S100A13: variants seen among roughly 807,000 people sequenced by gnomAD.
S100A13 encodes S100 calcium binding protein A13, also known as protein S100-A13.
In S100A13, 6 loss-of-function variants were observed where a neutral mutation model predicts 8.2. The observed-to-expected ratio is 0.73, with a 90% CI of 0.40 to 1.44. S100A13 has a LOEUF of 1.44. Among genes scored for constraint, S100A13 ranks in the 40% most tolerant of loss-of-function variants. S100A13 has a pLI of 0.02. For synonymous variants in S100A13, 39 were observed against 45.9 expected (o/e 0.85, Z 0.61); for missense variants, 114 against 113.6 (o/e 1.00, Z -0.02).
upstream of S100A13, chr1:153,631,413 T>A: frequency 6.8e-7 from 1 of 1,463,954 alleles, no homozygotes; most frequent in Non-Finnish European, 9.3e-7. Flanking sequence ...TGTATTAGAA[T>A]TAAATTAGAC....
intron 2 of S100A13, among the ~76,000 whole-genome samples, chr1:153,624,013 G>A (rs1667445190): frequency 6.6e-6 from 1 of 152,196 alleles, no homozygotes; most frequent in Non-Finnish European, 1.5e-5. Context: ...GAAGGGCAAT[G>A]AGGACCCGAG....
chr1:153,630,672 G>A (rs780008385), upstream of S100A13: 9 of 1,613,620 alleles, frequency 5.6e-6, no homozygotes, highest in East Asian at 4.5e-5. Context: ...TGTGAGCATA[G>A]AGTGGTGGAG....
chr1:153,619,165 C>T, intron 2 of S100A13, 127 bp from the exon 3 acceptor site: 1 of 865,774 alleles, frequency 1.2e-6, no homozygotes, highest in Non-Finnish European at 1.8e-6. Context: ...CCTGCCCCTT[C>T]TCTAAAGAAG....
upstream of S100A13, chr1:153,631,625 A>G (rs1668013362): frequency 6.2e-7 from 1 of 1,613,246 alleles, no homozygotes; most frequent in South Asian, 1.1e-5. Context: ...CTGCTCCTCA[A>G]CCACCCCCTT....
chr1:153,627,774 C>T (rs978831306), upstream of S100A13, among the ~76,000 whole-genome samples: 1 of 152,100 alleles, frequency 6.6e-6, no homozygotes, highest in African/African-American at 2.4e-5. Flanking sequence ...GGGCTGCTGC[C>T]ACCATACCCA....
At chr1:153,628,160 C>A, upstream of S100A13, 3 of 1,550,576 alleles carry the variant, frequency 1.9e-6, no homozygotes, top group Non-Finnish European at 2.6e-6. Flanking sequence ...TACTGCAAGG[C>A]CCAGCTTGGG....
At chr1:153,628,692 G>C (rs1178334093), upstream of S100A13, 2 of 938,810 alleles carry the variant, frequency 2.1e-6, no homozygotes, top group African/African-American at 3.3e-5. Flanking sequence ...CAAATGAACT[G>C]AAGGTCGGAG....
At chr1:153,628,381 G>A (rs1667803661), upstream of S100A13, 2 of 1,547,948 alleles carry the variant, frequency 1.3e-6, no homozygotes, top group African/African-American at 1.4e-5. Flanking sequence ...AGTCGGTGGG[G>A]GGGTCAGCGG....
chr1:153,633,697 T>C (rs779107834), upstream of S100A13, among the ~76,000 whole-genome samples: 4 of 152,116 alleles, frequency 2.6e-5, no homozygotes, highest in South Asian at 2.1e-4. Context: ...CCAGGCCCAA[T>C]TGTCCGGAAG....
In S100A13 at chr1:153,618,849, G is replaced by C. The variant is rs1358630920; in HGVS notation, c.*46C>G. On this transcript the variant is annotated 3_prime_UTR_variant, in exon 3 of 3. Coordinates refer to ENST00000476133, the MANE Select transcript of S100A13 (RefSeq NM_001024211.2). ...TTTGGGAAGAGTGCGGTTCTGCTCGGCCCTGATCAGCTCTGCCCTGCCCAC... is the reference window on the plus strand; with the variant it reads ...TTTGGGAAGAGTGCGGTTCTGCTCGCCCCTGATCAGCTCTGCCCTGCCCAC... 1.3e-6 allele frequency: 2 copies of C among 1,598,260 alleles called. No individual in the cohort carries two copies. The highest frequency in any genetic ancestry group is 1.7e-5 in the Admixed American group (1 of 59,478).
At chr1:153,632,013 C>T, upstream of S100A13, 1 of 650,876 alleles carries the variant, frequency 1.5e-6, no homozygotes, top group Non-Finnish European at 2.5e-6. Context: ...ACTCATCTTT[C>T]ATTAAAGGCT....
At chr1:153,622,173 C>G (rs1343045729) in intron 2 of S100A13, among the ~76,000 whole-genome samples, 3 of 151,992 alleles carry the variant, frequency 2.0e-5, no homozygotes, top group Non-Finnish European at 2.9e-5. Flanking sequence ...AGTGCGAGAC[C>G]AGCCTGGCCA....
chr1:153,620,776 G>A (rs1667193059), intron 2 of S100A13, among the ~76,000 whole-genome samples: 1 of 151,964 alleles, frequency 6.6e-6, no homozygotes. Flanking sequence ...TTATATAAGG[G>A]ATTTGAGGCC....
rs1026306638 is a variant in S100A13 at position 153,627,505 on chromosome 1, T to A, written c.-84A>T. On this transcript the variant is annotated 5_prime_UTR_variant, in exon 1 of 3. Transcript: ENST00000476133. ...CACCCGGCAAGGAGATGGGGTAGAGTGAGCTGGAGCCTCAGGGCTGAGGTT... is the reference window on the plus strand; with the variant it reads ...CACCCGGCAAGGAGATGGGGTAGAGAGAGCTGGAGCCTCAGGGCTGAGGTT... 6.6e-6 allele frequency: 1 copy of A among 151,786 alleles called. No individual in the cohort carries two copies. The highest frequency in any genetic ancestry group is 1.5e-5 in the Non-Finnish European group (1 of 68,122). 9.4% of individuals were successfully genotyped at this position (151,786 alleles called of 1,614,324 possible). A position where few individuals can be genotyped will look rare whatever the true frequency, so the allele number is the denominator to read the frequency against.
At chr1:153,632,105 C>T (rs1668049867), upstream of S100A13, 1 of 460,096 alleles carries the variant, frequency 2.2e-6, no homozygotes, top group Admixed American at 3.7e-5. Flanking sequence ...ACTCTCAACT[C>T]CCCTTATTTG....
At chr1:153,625,472 C>T (rs1301460278) in intron 2 of S100A13, among the ~76,000 whole-genome samples, 1 of 152,194 alleles carries the variant, frequency 6.6e-6, no homozygotes, top group African/African-American at 2.4e-5. Flanking sequence ...ATGACTCTTA[C>T]ACCCTAGTAA....
Position 153,626,349 on chromosome 1 carries a change from C to A in S100A13, c.124G>T (p.Val42Phe). The A allele has an allele frequency of 6.2e-7, 1 of 1,614,224 alleles. No homozygotes were observed. The change falls in exon 2 of 3, where the codon GTT becomes TTT. Residue 42 changes from valine to phenylalanine, a missense_variant. Coordinates refer to ENST00000476133, the MANE Select transcript of S100A13 (RefSeq NM_001024211.2). Reference sequence around the variant, plus strand: ...AGCAGATGGGGCAACTGCTGGGTAACCAGCTCTTTGAACTCGTTGACGCTG... The same window carrying A: ...AGCAGATGGGGCAACTGCTGGGTAAACAGCTCTTTGAACTCGTTGACGCTG... ...SLSVNEFKELVTQQLPHLLKD... is the reference protein window; with the variant it reads ...SLSVNEFKELFTQQLPHLLKD...
chr1:153,624,040 T>G (rs190596537), intron 2 of S100A13, among the ~76,000 whole-genome samples: 1 of 152,130 alleles, frequency 6.6e-6, no homozygotes, highest in East Asian at 1.9e-4. Flanking sequence ...TGATGGAAGA[T>G]GCAAAAGTGA....
chr1:153,622,454 G>C (rs1667331194), intron 2 of S100A13, among the ~76,000 whole-genome samples: 1 of 152,158 alleles, frequency 6.6e-6, no homozygotes, highest in African/African-American at 2.4e-5. Flanking sequence ...TTTTCCACCA[G>C]TATGTAGGTA....
Sources: gnomAD v4.1 joint callset for allele counts (sites outside exome capture counted in the v4.1 genomes callset) on GRCh38, gnomAD v4.1.1 for gene constraint, MANE v1.5 for transcripts, NCBI Gene and HGNC (gene_info 2026-07-23, HGNC 2026-07-21) for gene names.